TKFC: variants seen among roughly 807,000 people sequenced by gnomAD.
TKFC encodes the protein triokinase/FMN cyclase.
TKFC carries 46 observed loss-of-function variants against 61.0 expected under a neutral mutation model. The observed-to-expected ratio is 0.75, with a 90% CI of 0.60 to 0.96. TKFC has a LOEUF of 0.96. TKFC is among the 50% of genes least tolerant of loss of function. TKFC has a pLI of 0.00. For synonymous variants in TKFC, 314 were observed against 330.1 expected, an observed-to-expected ratio of 0.95 and a Z score of 0.53; for missense variants, 715 against 777.5, an observed-to-expected ratio of 0.92 and a Z score of 0.96.
rs567418824 is a variant in TKFC at position 61,339,123 on chromosome 11, C to T, written c.251C>T (p.Pro84Leu). Residue 84 changes from proline (P) to leucine (L), a missense_variant, in exon 4 of 18, where the codon CCG becomes CTG. Pro to Leu is a moderately conservative substitution (Grantham distance 98). Transcript: ENST00000394900. The part of the protein sequence containing the change: ...GVIAGAVFTS[P>L]AVGSILAAIR... The stretch of plus-strand genomic sequence containing the variant: ...ATCGCGGGAGCTGTGTTCACCTCCC[C>T]GGCAGTGGGCAGCATCCTGGCAGCC... 84 of 1,613,698 alleles carry T rather than the reference C, an allele frequency of 5.2e-5. No homozygotes were observed. The highest frequency in any genetic ancestry group is 1.0e-4 in the Admixed American group (6 of 60,002).
At position 61,347,192 on chromosome 11, in the gene TKFC, T is replaced by C. The variant is rs77601678; in HGVS notation, c.*689T>C. On this transcript the variant is annotated 3_prime_UTR_variant, in exon 18 of 18. Transcript: ENST00000394900. ...GGCTCCTCGGGAGTCGAATGGGCATTTGGGACACCAGAAGGAAAAGAAATC... is the reference window on the plus strand; with the variant it reads ...GGCTCCTCGGGAGTCGAATGGGCATCTGGGACACCAGAAGGAAAAGAAATC... The C allele has an allele frequency of 2.0e-6, 2 of 985,410 alleles. No individual in the cohort carries two copies. The highest frequency in any genetic ancestry group is 2.4e-6 in the Non-Finnish European group (2 of 829,956). The allele number at this position is 985,410 out of a possible 1,614,324, so 61.0% of individuals were successfully genotyped here.
downstream of TKFC, chr11:61,349,953 C>A (rs1590593954): frequency 1.5e-5 from 7 of 482,220 alleles, no homozygotes; most frequent in South Asian, 1.5e-4. Context: ...CTCTTCACCA[C>A]ATCCCTAGGA....
chr11:61,344,349 AG>A, intron 13 of TKFC, 76 bp downstream of exon 13: 1 of 1,400,228 alleles, frequency 7.1e-7, no homozygotes, highest in Non-Finnish European at 9.5e-7. Context: ...CCCTGAAGGC[AG>A]GGACCTTCCT....
In TKFC at chr11:61,343,424, C is replaced by A. The variant is rs1353898365; in HGVS notation, c.948C>A (p.Leu316=). The A allele has an allele frequency of 1.9e-6, 3 of 1,614,208 alleles. No individual in the cohort carries two copies. The highest frequency in any genetic ancestry group is 3.3e-5 in the Admixed American group (2 of 60,030). The part of the protein sequence containing the change: ...ALEMPGISLT[L]LLVDEPLLKL... ...AGATGCCTGGCATTTCTCTCACCCT[C>A]CTGCTGGTGGATGAGCCTCTCCTGA... Residue 316 remains leucine (L), a synonymous_variant, in exon 11 of 18, where the codon CTC becomes CTA. Transcript: ENST00000394900.
chr11:61,338,244 G>A (rs1037575359), intron 3 of TKFC, 114 bp downstream of exon 3: 1 of 1,055,976 alleles, frequency 9.5e-7, no homozygotes. Flanking sequence ...TCAGGAACTG[G>A]GGTACTTCCC....
intron 13 of TKFC, 55 bp from the exon 14 acceptor site, chr11:61,345,205 T>C: frequency 7.0e-7 from 1 of 1,426,958 alleles, no homozygotes; most frequent in East Asian, 2.3e-5. Flanking sequence ...TGGCTGGAAG[T>C]CTGGCAGATG....
intron 3 of TKFC, 26 bp from the exon 4 acceptor site, chr11:61,339,040 G>C: frequency 6.2e-7 from 1 of 1,601,156 alleles, no homozygotes; most frequent in Non-Finnish European, 8.5e-7. Context: ...CACCCAGCAT[G>C]CTCACTCCAC....
intron 10 of TKFC, 106 bp downstream of exon 10, chr11:61,342,950 AAATCGTCTC>A: frequency 8.5e-7 from 1 of 1,171,046 alleles, no homozygotes. Context: ...AGCCTGAGTT[AAATCGTCTC>A]TCTGCCACCT....
Position 61,334,632 on chromosome 11 carries a change from C to T in TKFC, c.-97C>T. 6.5e-7 allele frequency: 1 copy of T among 1,541,530 alleles called. No homozygotes were observed. Among genetic ancestry groups the T allele is most frequent in the South Asian group, 1.1e-5 (1 of 88,340 alleles). Reference sequence around the variant, plus strand: ...CCCACTCCTGCAGGTGCTGCTGCTGCCTCCACTGTACTCAGACCCAGGTAG... The same window carrying T: ...CCCACTCCTGCAGGTGCTGCTGCTGTCTCCACTGTACTCAGACCCAGGTAG... On this transcript the variant is annotated 5_prime_UTR_variant, in exon 2 of 18. Coordinates refer to ENST00000394900, the MANE Select transcript of TKFC (RefSeq NM_015533.4).
downstream of TKFC, chr11:61,349,922 T>C (rs1857319719): frequency 2.0e-6 from 1 of 500,786 alleles, no homozygotes; most frequent in South Asian, 2.1e-5. Context: ...TTTCACACCG[T>C]GGACTGCACT....
chr11:61,349,645 TG>T (rs1011364907), downstream of TKFC: 42 of 702,756 alleles, frequency 6.0e-5, no homozygotes, highest in Non-Finnish European at 1.1e-4. Flanking sequence ...TAGCAGCAGC[TG>T]GAAGAGGTGG....
chr11:61,342,710 G>A (rs1344634638), intron 9 of TKFC, 45 bp from the exon 10 acceptor site: 3 of 1,613,512 alleles, frequency 1.9e-6, no homozygotes, highest in East Asian at 2.2e-5. Flanking sequence ...CTCTGGGGAG[G>A]AGACGCCCAG....
At position 61,348,079 on chromosome 11, in the gene TKFC, T is replaced by C. The variant is rs542029246; in HGVS notation, c.*1576T>C. 1.6e-4 allele frequency: 155 copies of C among 985,378 alleles called. 1 individual carries two copies. In the South Asian group the frequency reaches 2.9e-3, roughly 18 times the overall value. The allele number at this position is 985,378 out of a possible 1,614,324, so 61.0% of individuals were successfully genotyped here. On this transcript the variant is annotated 3_prime_UTR_variant, in exon 18 of 18. Transcript: ENST00000394900. ...AGGGTCCTGTCTGTCGGCTGCACCA[T>C]ACGTCCCTGACCACAAGGCATCCAC...
chr11:61,338,988 C>A, intron 3 of TKFC, 78 bp from the exon 4 acceptor site: 1 of 1,276,540 alleles, frequency 7.8e-7, no homozygotes, highest in Non-Finnish European at 1.1e-6. Flanking sequence ...AAACCATGAC[C>A]CCCGGAGTGT....
downstream of TKFC, chr11:61,352,793 T>C: frequency 7.0e-7 from 1 of 1,437,830 alleles, no homozygotes; most frequent in Non-Finnish European, 9.1e-7. Flanking sequence ...ATCAAACTGA[T>C]GCTCAATAAA....
At chr11:61,351,281 T>A, downstream of TKFC, 1 of 791,742 alleles carries the variant, frequency 1.3e-6, no homozygotes, top group Non-Finnish European at 1.8e-6. Context: ...TTTAACACCC[T>A]TTCTTTTTTT....
At chr11:61,351,280 C>CTTTAT, downstream of TKFC, 1 of 718,928 alleles carries the variant, frequency 1.4e-6, no homozygotes, top group Non-Finnish European at 2.0e-6. Context: ...TTTTAACACC[C>CTTTAT]TTTCTTTTTT....
At position 61,348,175 on chromosome 11, in the gene TKFC, C is replaced by T. The variant is rs775340997; in HGVS notation, c.*1672C>T. The T allele has an allele frequency of 4.1e-6, 4 of 985,450 alleles. No homozygotes were observed. The East Asian group carries it at 4.5e-4, about 112-fold the overall frequency. 61.0% of individuals were successfully genotyped at this position (985,450 alleles called of 1,614,324 possible). ...AGACGGTGGCCTGTGGATCCCAGCTCTGTCATTTCCTGGCTGGGTGACCTC... is the reference window on the plus strand; with the variant it reads ...AGACGGTGGCCTGTGGATCCCAGCTTTGTCATTTCCTGGCTGGGTGACCTC... On this transcript the variant is annotated 3_prime_UTR_variant, in exon 18 of 18. Coordinates refer to ENST00000394900, the MANE Select transcript of TKFC (RefSeq NM_015533.4).
chr11:61,339,418 A>G lies in TKFC; in HGVS notation c.469A>G (p.Thr157Ala), dbSNP rs749692826. The change falls in exon 5 of 18, where the codon ACG (threonine) becomes GCG (alanine). Residue 157 changes from threonine (T) to alanine (A), a missense_variant. Thr to Ala is a moderately conservative substitution (Grantham distance 58). Coordinates refer to ENST00000394900, the MANE Select transcript of TKFC (RefSeq NM_015533.4). Reference protein sequence around the residue: ...KKAGRRGLCGTVLIHKVAGAL... With the variant: ...KKAGRRGLCGAVLIHKVAGAL... ...GGCAGGCCGGCGGGGGCTGTGCGGC[A>G]CGGTGCTTATACACAAGGTGGGCTT... 8 of 1,611,728 alleles carry G rather than the reference A, an allele frequency of 5.0e-6. No individual in the cohort carries two copies. In the African/African-American group the frequency reaches 1.1e-4, roughly 21 times the overall value.
Sources: allele counts gnomAD v4.1 joint callset, GRCh38; gene constraint gnomAD v4.1.1; transcripts MANE v1.5; gene names NCBI Gene and HGNC (gene_info 2026-07-23, HGNC 2026-07-21).